The following MBNL2 variants were observed in gnomAD, a reference collection of about 807,000 sequenced individuals.
MBNL2 encodes the protein muscleblind-like protein 2.
MBNL2 carries 17 observed loss-of-function variants against 41.9 expected under a neutral mutation model. The observed-to-expected ratio is 0.41, with a 90% confidence interval of 0.28 to 0.61. The LOEUF (loss-of-function observed/expected upper bound fraction) is 0.61. MBNL2 is among the 20% of genes least tolerant of loss of function. The pLI is 0.35. For synonymous variants in MBNL2, 195 were observed against 182.9 expected (o/e 1.07, Z -0.53); for missense variants, 336 against 505.6 (o/e 0.66, Z 3.22).
chr13:97,281,901 C>A (rs913968393), intron 2 of MBNL2, among the ~76,000 whole-genome samples: 3 of 152,186 alleles, frequency 2.0e-5, no homozygotes, highest in African/African-American at 7.2e-5. Context: ...GGAGAAGGGG[C>A]CTCACTCCAG....
chr13:97,201,999 A>T, the MBNL2 span, among the ~76,000 whole-genome samples: 16 of 152,356 alleles, frequency 1.1e-4, no homozygotes, highest in African/African-American at 3.8e-4. Flanking sequence ...CTTATAGTTA[A>T]ATCACAGCTT....
chr13:97,272,811 C>T (rs536585780), intron 1 of MBNL2, among the ~76,000 whole-genome samples: 3 of 152,140 alleles, frequency 2.0e-5, no homozygotes, highest in Non-Finnish European at 4.4e-5. Context: ...TATAATAATC[C>T]TATACAGTTT....
chr13:97,344,708 A>G (rs896641964), intron 4 of MBNL2, among the ~76,000 whole-genome samples: 1 of 152,210 alleles, frequency 6.6e-6, no homozygotes, highest in Admixed American at 6.5e-5. Flanking sequence ...AGGACTGGAA[A>G]AGTGTTTTGG....
intron 1 of MBNL2, among the ~76,000 whole-genome samples, chr13:97,246,206 A>G (rs1396555347): frequency 1.3e-5 from 2 of 151,736 alleles, no homozygotes; most frequent in Admixed American, 1.3e-4. Flanking sequence ...AGTTTTTTGG[A>G]TTGACTAATA....
the MBNL2 span, among the ~76,000 whole-genome samples, chr13:97,193,729 A>G: frequency 6.6e-6 from 1 of 152,288 alleles, no homozygotes; most frequent in South Asian, 2.1e-4. Flanking sequence ...AGGAAACCAC[A>G]GTGGCTGAGA....
intron 5 of MBNL2, among the ~76,000 whole-genome samples, chr13:97,351,403 T>C (rs2062437743): frequency 6.6e-6 from 1 of 152,146 alleles, no homozygotes; most frequent in African/African-American, 2.4e-5. Context: ...CTAGCAAGAG[T>C]CAGCTGCTGT....
chr13:97,329,741 C>A (rs891094380), intron 2 of MBNL2, among the ~76,000 whole-genome samples: 21 of 148 alleles, frequency 0.14, 3 homozygotes, highest in Admixed American at 0.5. Context: ...ACAACACATA[C>A]ACCATACATA....
chr13:97,309,264 A>G (rs548486980), intron 2 of MBNL2, among the ~76,000 whole-genome samples: 6 of 152,312 alleles, frequency 3.9e-5, no homozygotes, highest in Non-Finnish European at 7.4e-5. Context: ...TGACCTTTGC[A>G]TTCAAGGGCA....
At chr13:97,149,006 T>C in the MBNL2 span, among the ~76,000 whole-genome samples, 1 of 152,222 alleles carries the variant, frequency 6.6e-6, no homozygotes, top group Non-Finnish European at 1.5e-5. Context: ...TTGGGGACTT[T>C]CCACGCAATA....
the MBNL2 span, among the ~76,000 whole-genome samples, chr13:97,177,871 C>G: frequency 6.6e-6 from 1 of 152,088 alleles, no homozygotes; most frequent in African/African-American, 2.4e-5. Context: ...GAAAATGAAA[C>G]AGTATCTTCA....
upstream of MBNL2, among the ~76,000 whole-genome samples, chr13:97,219,536 T>C (rs1386966429): frequency 6.6e-6 from 1 of 152,216 alleles, no homozygotes; most frequent in East Asian, 1.9e-4. Flanking sequence ...TCTCTGTTCC[T>C]GGCTTGCAGA....
intron 2 of MBNL2, among the ~76,000 whole-genome samples, chr13:97,323,331 A>C (rs1423511917): frequency 6.6e-6 from 1 of 152,234 alleles, no homozygotes; most frequent in Non-Finnish European, 1.5e-5. Flanking sequence ...TGATAATAAA[A>C]ATAGAACCCA....
chr13:97,210,721 T>A, the MBNL2 span, among the ~76,000 whole-genome samples: 2 of 151,802 alleles, frequency 1.3e-5, no homozygotes, highest in African/African-American at 4.8e-5. Flanking sequence ...ACCTCCCAAG[T>A]AGCTGGGGTT....
upstream of MBNL2, chr13:97,222,199 T>C (rs1460975386): frequency 2.6e-6 from 1 of 387,632 alleles, no homozygotes; most frequent in East Asian, 3.7e-5. Context: ...CTGCAAGTGC[T>C]GTGTTACTGT....
Position 97,297,363 on chromosome 13 carries a change from C to G in MBNL2, c.174+20954C>G, listed in dbSNP as rs769547105. ...GTATGATAAGTACCAGGAAGGGTCT[C>G]CATGTGTCCTGGAGTATGGTAAGAT... On this transcript the variant is annotated intron_variant, in intron 2 of 8. Coordinates refer to ENST00000679496, the MANE Select transcript of MBNL2 (RefSeq NM_001382683.1). 1.7e-4 allele frequency among the ~76,000 whole-genome samples: 26 copies of G among 152,128 alleles called. 1 individual carries two copies. Among genetic ancestry groups the G allele is most frequent in the Non-Finnish European group, 2.8e-4 (19 of 68,022 alleles).
intron 1 of MBNL2, among the ~76,000 whole-genome samples, chr13:97,249,272 G>C (rs2046073402): frequency 6.6e-6 from 1 of 152,178 alleles, no homozygotes; most frequent in South Asian, 2.1e-4. Context: ...TCCACTGTTT[G>C]TGAATGATTG....
At chr13:97,171,756 C>T in the MBNL2 span, among the ~76,000 whole-genome samples, 1 of 152,164 alleles carries the variant, frequency 6.6e-6, no homozygotes, top group Non-Finnish European at 1.5e-5. Context: ...TGTGTCCCCA[C>T]CCAAATCTCA....
intron 1 of MBNL2, among the ~76,000 whole-genome samples, chr13:97,232,849 C>CTGTG (rs1424948508): frequency 1.1e-4 from 11 of 97,752 alleles, no homozygotes; most frequent in African/African-American, 6.4e-4. Context: ...ACTCTTGACG[C>CTGTG]TATGTGTGTG....
intron 8 of MBNL2, among the ~76,000 whole-genome samples, chr13:97,380,509 C>A (rs878884257): frequency 8.7e-4 from 129 of 149,006 alleles, no homozygotes; most frequent in African/African-American, 2.0e-3. Flanking sequence ...AACAAACAAA[C>A]AAAAAAAAAC....
Sources: gnomAD v4.1 joint callset for allele counts (sites outside exome capture counted in the v4.1 genomes callset) on GRCh38, gnomAD v4.1.1 for gene constraint, MANE v1.5 for transcripts, NCBI Gene and HGNC (gene_info 2026-07-23, HGNC 2026-07-21) for gene names.